Variants in VWF observed in about 807,000 individuals in gnomAD.
VWF encodes Factor VIII related antigen.
A neutral mutation model predicts 308.6 loss-of-function variants in VWF; 176 were observed. The observed-to-expected ratio is 0.57, with a 90% CI of 0.50 to 0.65. VWF has a LOEUF of 0.65. Ranked by LOEUF, VWF falls within the 30% of genes least tolerant of loss-of-function variation. The pLI, the probability that VWF is intolerant of heterozygous loss-of-function variation, is 0.00. For synonymous variants in VWF, 1,385 were observed against 1,443.4 expected (o/e 0.96, Z 0.92); for missense variants, 3,146 against 3,648.2 (o/e 0.86, Z 3.55).
In VWF at chr12:6,029,355, T is replaced by C; in HGVS notation, c.2954A>G (p.Lys985Arg). The C allele has an allele frequency of 6.2e-7, 1 of 1,614,142 alleles. No homozygotes were observed. The highest frequency in any genetic ancestry group is 8.5e-7 in the Non-Finnish European group (1 of 1,180,026). ...DRHLSISVVLKQTYQEKVCGL... is the reference protein window; with the variant it reads ...DRHLSISVVLRQTYQEKVCGL... ...AAAGCCACTGACCTGGTATGTCTGCTTCAGGACCACGGAGATGCTCAGGTG... is the reference window on the plus strand; with the variant it reads ...AAAGCCACTGACCTGGTATGTCTGCCTCAGGACCACGGAGATGCTCAGGTG... The change falls in exon 22 of 52, where the codon AAG (lysine) becomes AGG (arginine). Residue 985 changes from lysine to arginine, a missense_variant. By Grantham distance (26) the Lys-to-Arg change is conservative. This residue lies in a region of VWF where 1,304 missense variants were observed against 1,353.0 expected (regional missense o/e 0.96). Coordinates refer to ENST00000261405, the MANE Select transcript of VWF (RefSeq NM_000552.5).
chr12:6,096,429 T>C (rs903297697), intron 5 of VWF, among the ~76,000 whole-genome samples: 3 of 152,200 alleles, frequency 2.0e-5, no homozygotes, highest in Non-Finnish European at 2.9e-5. Context: ...CTGTGCCCCA[T>C]GGCACCTGGG....
At chr12:6,011,872 A>C in intron 33 of VWF, 78 bp from the exon 34 acceptor site, 1 of 1,432,930 alleles carries the variant, frequency 7.0e-7, no homozygotes, top group Non-Finnish European at 9.8e-7. Context: ...CAGACAACTG[A>C]CCCCTAGAAT....
intron 32 of VWF, among the ~76,000 whole-genome samples, chr12:6,012,941 T>C (rs979520959): frequency 1.3e-5 from 2 of 152,208 alleles, no homozygotes; most frequent in Non-Finnish European, 2.9e-5. Flanking sequence ...GACCTCATGA[T>C]CCGCCCGCCT....
At chr12:5,993,328 G>A (rs1396446713) in intron 37 of VWF, among the ~76,000 whole-genome samples, 1 of 152,178 alleles carries the variant, frequency 6.6e-6, no homozygotes, top group Non-Finnish European at 1.5e-5. Context: ...TGACCTTGGG[G>A]AGGGGCTGTC....
intron 37 of VWF, 108 bp downstream of exon 37, chr12:5,993,754 C>T: frequency 7.0e-6 from 7 of 993,810 alleles, no homozygotes; most frequent in East Asian, 2.5e-5. Context: ...ATACGAAATA[C>T]AGGGATTTTC....
chr12:6,057,982 G>C lies in VWF; in HGVS notation c.1596C>G (p.Gly532=), dbSNP rs111240043. The C allele has an allele frequency of 6.2e-7, 1 of 1,613,606 alleles. No homozygotes were observed. The highest frequency in any genetic ancestry group is 8.5e-7 in the Non-Finnish European group (1 of 1,180,032). Residue 532 remains glycine (G), a synonymous_variant, in exon 14 of 52, where the codon GGC becomes GGG. Transcript: ENST00000261405. The stretch of plus-strand genomic sequence containing the variant: ...GCCCAGAGGGGGTAAGGAAGTCGTC[G>C]CCCTGGTTGCCATTGTAATTCCCAC... ...GLCGNYNGNQ[G]DDFLTPSGLA...
intron 15 of VWF, 105 bp downstream of exon 15, chr12:6,056,752 A>G (rs1944582956): frequency 3.9e-6 from 4 of 1,026,870 alleles, no homozygotes; most frequent in Non-Finnish European, 5.1e-6. Context: ...ACAATGCCCT[A>G]CGCCCTCTTT....
chr12:6,071,263 G>C (rs751847519), intron 10 of VWF, 34 bp downstream of exon 10: 1 of 1,613,382 alleles, frequency 6.2e-7, no homozygotes, highest in East Asian at 2.2e-5. Flanking sequence ...CCGATTCAGG[G>C]AAGGAGGAAG....
chr12:5,955,766 C>A (rs1943242736), intron 47 of VWF, among the ~76,000 whole-genome samples: 2 of 152,088 alleles, frequency 1.3e-5, no homozygotes, highest in Non-Finnish European at 2.9e-5. Context: ...TAGGAACAAT[C>A]TGGAAACTTT....
At chr12:6,006,685 A>G (rs1436658929) in intron 34 of VWF, among the ~76,000 whole-genome samples, 5 of 152,118 alleles carry the variant, frequency 3.3e-5, no homozygotes, top group Admixed American at 1.3e-4. Context: ...AGGCTGAGGG[A>G]GGAGAATCAC....
At chr12:6,029,513 C>A (rs1162177708) in intron 21 of VWF, 25 bp from the exon 22 acceptor site, 3 of 1,613,872 alleles carry the variant, frequency 1.9e-6, no homozygotes, top group East Asian at 2.2e-5. Flanking sequence ...AGCAAGAAAT[C>A]CAGGAGGATG....
Position 6,016,207 on chromosome 12 carries a change from T to C in VWF, c.5337A>G (p.Arg1779=), listed in dbSNP as rs1454087402. The change falls in exon 31 of 52, where the codon CGA becomes CGG. Residue 1779 remains arginine (R), a synonymous_variant. Transcript: ENST00000261405. ...QIGDALGFAV[R]YLTSEMHGAR... is the part of the protein sequence containing the mutation. The stretch of plus-strand genomic sequence containing the variant: ...CACCATGCATTTCTGAAGTCAAGTA[T>C]CGCACAGCAAAGCCCAAGGCATCCC... 6.2e-7 allele frequency: 1 copy of C among 1,614,132 alleles called. No individual in the cohort carries two copies. The highest frequency in any genetic ancestry group is 1.1e-5 in the South Asian group (1 of 91,052).
At chr12:6,049,085 G>A (rs185166278) in intron 16 of VWF, among the ~76,000 whole-genome samples, 160 of 152,228 alleles carry the variant, frequency 1.1e-3, no homozygotes, top group Non-Finnish European at 2.0e-3. Flanking sequence ...CCAAGCACGC[G>A]GTCTGCAGAA....
intron 5 of VWF, among the ~76,000 whole-genome samples, chr12:6,096,576 G>A (rs372421260): frequency 1.3e-5 from 2 of 152,158 alleles, no homozygotes; most frequent in East Asian, 1.9e-4. Context: ...AGTGGATTAC[G>A]AATGCTCAAA....
In VWF at chr12:6,109,680, T is replaced by C. The variant is rs188499206; in HGVS notation, c.532+694A>G. Among the ~76,000 whole-genome samples the C allele has an allele frequency of 1.5e-3, 221 of 152,302 alleles. 3 individuals carry two copies. The highest frequency in any genetic ancestry group is 6.8e-3 in the Middle Eastern group (2 of 294). On this transcript the variant is annotated intron_variant, in intron 5 of 51. Coordinates refer to ENST00000261405, the MANE Select transcript of VWF (RefSeq NM_000552.5). The stretch of plus-strand genomic sequence containing the variant: ...TTTCTTTTTTTTTTGAGACGGAGTC[T>C]CGCTCTGTCGCCCAGGCTGGAGTGA...
rs2136500386 is a variant in VWF, at chr12:6,095,525, G to A, written c.592C>T (p.Gln198Ter). ...ANSWALSSGE[Q>*]WCERASPPSS... ...GGAGGAGATGCCCGTTCACACCACT[G>A]TTCTCCACTGCTCAGAGCCCATGAG... Residue 198 changes from glutamine to a stop codon, truncating the protein, a stop_gained, in exon 6 of 52, where the codon CAG (glutamine) becomes TAG (stop). Coordinates refer to ENST00000261405, the MANE Select transcript of VWF (RefSeq NM_000552.5). LOFTEE classifies it high-confidence loss of function. 6.2e-7 allele frequency: 1 copy of A among 1,614,144 alleles called. No homozygotes were observed. Among genetic ancestry groups the A allele is most frequent in the Non-Finnish European group, 8.5e-7 (1 of 1,180,030 alleles).
intron 5 of VWF, among the ~76,000 whole-genome samples, chr12:6,102,293 T>C (rs529087475): frequency 7.3e-5 from 11 of 151,614 alleles, no homozygotes; most frequent in African/African-American, 2.7e-4. Context: ...CATACAAAAA[T>C]TAGCTGCGCA....
rs769502210 is a variant in VWF, at chr12:6,021,964, G to A, written c.3610C>T (p.Arg1204Trp). The A allele has an allele frequency of 2.4e-5, 39 of 1,613,972 alleles. No individual in the cohort carries two copies. The highest frequency in any genetic ancestry group is 3.3e-5 in the Admixed American group (2 of 59,996). ...ACTTTCTTTCCTGAGGCAAAACGCC[G>A]GCCAGCCACCTCACACACTGGACAG... is the stretch of plus-strand genomic sequence containing the variant. ...EDCPVCEVAGRRFASGKKVTL... is the reference protein window; with the variant it reads ...EDCPVCEVAGWRFASGKKVTL... Residue 1204 changes from arginine (R) to tryptophan (W), a missense_variant, in exon 27 of 52, where the codon CGG becomes TGG. By Grantham distance (101) the Arg-to-Trp change is moderately radical. Coordinates refer to ENST00000261405, the MANE Select transcript of VWF (RefSeq NM_000552.5).
At chr12:5,985,211 T>C (rs903413970) in intron 39 of VWF, 92 bp from the exon 40 acceptor site, 7 of 1,331,474 alleles carry the variant, frequency 5.3e-6, no homozygotes, top group East Asian at 2.3e-5. Flanking sequence ...TGAAAACTAG[T>C]AGGAGTTCTG....
Sources: gnomAD v4.1 joint callset for allele counts (sites outside exome capture counted in the v4.1 genomes callset) on GRCh38, gnomAD v4.1.1 for gene constraint, gnomAD v4.1.1 regional missense constraint, MANE v1.5 for transcripts, NCBI Gene and HGNC (gene_info 2026-07-23, HGNC 2026-07-21) for gene names.